The following MAGI2 variants were observed in gnomAD, a reference collection of about 807,000 sequenced individuals.
MAGI2 encodes membrane associated guanylate kinase, WW and PDZ domain containing 2.
MAGI2 carries 35 observed loss-of-function variants against 133.3 expected under a neutral mutation model. The observed-to-expected ratio is 0.26, with a 90% CI of 0.20 to 0.35. The LOEUF (loss-of-function observed/expected upper bound fraction) is 0.35. Among genes scored for constraint, MAGI2 ranks in the 10% least tolerant of loss-of-function variants. The pLI, the probability that MAGI2 is intolerant of heterozygous loss-of-function variation, is 1.00. For missense variants in MAGI2, 1,636 were observed against 1,863.4 expected (o/e 0.88, Z 2.25); for synonymous variants, 729 against 710.6 (o/e 1.03, Z -0.41).
At position 78,046,233 on chromosome 7, in the gene MAGI2, T is replaced by TAAA. The variant is rs59275049; in HGVS notation, c.3707-26260_3707-26258dup. Among the ~76,000 whole-genome samples, 185 of 117,764 alleles carry TAAA rather than the reference T, an allele frequency of 1.6e-3. 2 individuals carry two copies. The highest frequency in any genetic ancestry group is 4.3e-3 in the Middle Eastern group (1 of 234). The allele number at this position is 117,764 out of a possible 152,430, so 77.3% of individuals were successfully genotyped here. A position where few individuals can be genotyped will look rare whatever the true frequency, so the allele number is the denominator to read the frequency against. The stretch of plus-strand genomic sequence containing the variant: ...CAAAGTGGTGAAACCCTGTCTCTAC[T>TAAA]AAAAAAAAAAAAAAAAAAATTAACC... On this transcript the variant is annotated intron_variant, in intron 21 of 21. Transcript: ENST00000354212.
At chr7:79,084,590 G>A (rs1816321333) in intron 1 of MAGI2, among the ~76,000 whole-genome samples, 1 of 151,690 alleles carries the variant, frequency 6.6e-6, no homozygotes, top group South Asian at 2.1e-4. Context: ...GGTTCCATGT[G>A]CCCTGCAAAG....
intron 1 of MAGI2, among the ~76,000 whole-genome samples, chr7:79,193,217 C>G (rs1331847768): frequency 6.6e-6 from 1 of 151,916 alleles, no homozygotes; most frequent in Non-Finnish European, 1.5e-5. Flanking sequence ...ACCAAGGAAC[C>G]TTATCATAGC....
chr7:78,845,697 T>C (rs1042613627), intron 2 of MAGI2, among the ~76,000 whole-genome samples: 1 of 151,880 alleles, frequency 6.6e-6, no homozygotes, highest in Non-Finnish European at 1.5e-5. Flanking sequence ...GATAGAAAAA[T>C]CTTTGATCAA....
rs370292113 is a variant in MAGI2 at position 78,489,372 on chromosome 7, T to A, written c.1045+389A>T. ...TTAATAACTGCTAGAATGCTAAGCC[T>A]TTCAAAACAAAATCAAATATTATAG... is the stretch of plus-strand genomic sequence containing the variant. On this transcript the variant is annotated intron_variant, in intron 6 of 21. Coordinates refer to ENST00000354212, the MANE Select transcript of MAGI2 (RefSeq NM_012301.4). 4.4e-4 allele frequency among the ~76,000 whole-genome samples: 67 copies of A among 152,178 alleles called. 1 individual carries two copies. The South Asian group carries it at 0.013, about 30-fold the overall frequency.
intron 1 of MAGI2, among the ~76,000 whole-genome samples, chr7:79,056,829 C>T (rs1424403003): frequency 1.3e-5 from 2 of 152,188 alleles, no homozygotes; most frequent in African/African-American, 2.4e-5. Flanking sequence ...TGCATGCAAT[C>T]ACTTTCAAAT....
chr7:79,379,132 C>T (rs1438603765), intron 1 of MAGI2, among the ~76,000 whole-genome samples: 1 of 147,844 alleles, frequency 6.8e-6, no homozygotes, highest in African/African-American at 2.5e-5. Context: ...CCACAATAGG[C>T]CCAGGTGTGT....
chr7:79,007,066 A>G lies in MAGI2; in HGVS notation c.418+24T>C, dbSNP rs759805794. On this transcript the variant is annotated intron_variant, in intron 2 of 21. Coordinates refer to ENST00000354212, the MANE Select transcript of MAGI2 (RefSeq NM_012301.4). ...AACATTTATCTCTCAACATAAAAAT[A>G]TTAATACTGCCCATTGTACTCACAT... 8.2e-6 allele frequency: 12 copies of G among 1,455,866 alleles called. No individual in the cohort carries two copies. In the Admixed American group the frequency reaches 2.6e-4, roughly 31 times the overall value. The allele number at this position is 1,455,866 out of a possible 1,614,324, so 90.2% of individuals were successfully genotyped here. A position where few individuals can be genotyped will look rare whatever the true frequency, so the allele number is the denominator to read the frequency against.
chr7:78,950,906 G>T (rs1801818998), intron 2 of MAGI2, among the ~76,000 whole-genome samples: 1 of 150,888 alleles, frequency 6.6e-6, no homozygotes. Context: ...AGTTAACATT[G>T]TCCTCTATTC....
At chr7:78,485,042 A>T (rs1024650876) in intron 6 of MAGI2, 5 of 152,114 alleles carry the variant, frequency 3.3e-5, no homozygotes, top group African/African-American at 1.2e-4. Flanking sequence ...CACTTTTGAT[A>T]TGGATTCTAA....
chr7:78,786,119 C>T (rs1826796211), intron 2 of MAGI2, among the ~76,000 whole-genome samples: 1 of 151,880 alleles, frequency 6.6e-6, no homozygotes, highest in Non-Finnish European at 1.5e-5. Context: ...TTAAAAGGAG[C>T]TCCATGTTTC....
At chr7:78,091,826 A>G (rs1464455273) in intron 20 of MAGI2, among the ~76,000 whole-genome samples, 1 of 152,232 alleles carries the variant, frequency 6.6e-6, no homozygotes, top group African/African-American at 2.4e-5. Flanking sequence ...TTGAGATTTT[A>G]TGATGTATTG....
chr7:79,284,003 T>C (rs1327416361), intron 1 of MAGI2, among the ~76,000 whole-genome samples: 1 of 152,092 alleles, frequency 6.6e-6, no homozygotes, highest in African/African-American at 2.4e-5. Context: ...ACATGCTATA[T>C]AGGTTTGTAG....
chr7:79,356,847 T>C lies in MAGI2; in HGVS notation c.301+96173A>G, dbSNP rs1277417691. ...GTTTTGTCATCGGGTCTTACTCTAT[T>C]AAAGAGATTACTCTTTACATCAATG... On this transcript the variant is annotated intron_variant, in intron 1 of 21. Coordinates refer to ENST00000354212, the MANE Select transcript of MAGI2 (RefSeq NM_012301.4). Among the ~76,000 whole-genome samples, 6 of 152,244 alleles carry C rather than the reference T, an allele frequency of 3.9e-5. No individual in the cohort carries two copies. The East Asian group carries it at 1.2e-3, about 29-fold the overall frequency.
At chr7:78,866,198 G>T (rs753647001) in intron 2 of MAGI2, among the ~76,000 whole-genome samples, 3 of 152,126 alleles carry the variant, frequency 2.0e-5, no homozygotes, top group Non-Finnish European at 2.9e-5. Flanking sequence ...TTACTGCTTA[G>T]AAGCATCATC....
intron 1 of MAGI2, among the ~76,000 whole-genome samples, chr7:79,164,886 C>T (rs1440860038): frequency 6.6e-6 from 1 of 152,056 alleles, no homozygotes. Context: ...TCATATTTGG[C>T]TCAGAATAAA....
chr7:78,682,483 C>T (rs971388983), intron 2 of MAGI2, among the ~76,000 whole-genome samples: 8 of 152,116 alleles, frequency 5.3e-5, no homozygotes, highest in Non-Finnish European at 1.2e-4. Flanking sequence ...GTTTTGTTTC[C>T]TGTTCCTGTG....
intron 1 of MAGI2, among the ~76,000 whole-genome samples, chr7:79,324,939 C>A (rs1038052122): frequency 2.0e-5 from 3 of 151,408 alleles, no homozygotes; most frequent in African/African-American, 7.3e-5. Context: ...GGAAAATTTG[C>A]ATTTTTCAGC....
At chr7:78,144,930 G>A (rs1364493403) in intron 16 of MAGI2, among the ~76,000 whole-genome samples, 1 of 151,894 alleles carries the variant, frequency 6.6e-6, no homozygotes, top group Non-Finnish European at 1.5e-5. Context: ...CCCTCCCTGT[G>A]TCCGTGTGTT....
intron 16 of MAGI2, among the ~76,000 whole-genome samples, chr7:78,154,924 A>G (rs539649522): frequency 6.7e-4 from 78 of 116,590 alleles, no homozygotes; most frequent in African/African-American, 2.2e-3. Flanking sequence ...CAGAGCAAGC[A>G]TCTAATCCAT....
Sources: allele counts gnomAD v4.1 joint callset (sites outside exome capture counted in the v4.1 genomes callset), GRCh38; gene constraint gnomAD v4.1.1; transcripts MANE v1.5; gene names NCBI Gene and HGNC (gene_info 2026-07-23, HGNC 2026-07-21).